The following ANK3 variants were observed in gnomAD, a reference collection of about 807,000 sequenced individuals.
ANK3 encodes ankyrin 3.
In ANK3, 57 loss-of-function variants were observed where a neutral mutation model predicts 370.9. The observed-to-expected ratio is 0.15, with a 90% CI of 0.12 to 0.19. The LOEUF (loss-of-function observed/expected upper bound fraction) is 0.19. Among genes scored for constraint, ANK3 ranks in the 10% least tolerant of loss-of-function variants. The pLI, the probability that ANK3 is intolerant of heterozygous loss-of-function variation, is 1.00. For synonymous variants in ANK3, 1,929 were observed against 1,946.3 expected (o/e 0.99, Z 0.23); for missense variants, 4,439 against 5,302.1 (o/e 0.84, Z 5.06).
At chr10:60,316,688 G>C (rs1346445878) in intron 1 of ANK3, among the ~76,000 whole-genome samples, 1 of 152,064 alleles carries the variant, frequency 6.6e-6, no homozygotes, top group Non-Finnish European at 1.5e-5. Flanking sequence ...ACCCTGTCTC[G>C]CATATGCCTA....
chr10:60,512,291 T>C (rs1395579341), intron 2 of ANK3, among the ~76,000 whole-genome samples: 1 of 152,104 alleles, frequency 6.6e-6, no homozygotes, highest in Non-Finnish European at 1.5e-5. Context: ...AACACTCTCA[T>C]GTCTTCAGCT....
intron 7 of ANK3, among the ~76,000 whole-genome samples, chr10:60,247,458 G>A (rs1428477806): frequency 6.6e-6 from 1 of 152,112 alleles, no homozygotes; most frequent in Non-Finnish European, 1.5e-5. Flanking sequence ...TCTGCAATCA[G>A]TCTCCAAACT....
intron 16 of ANK3, among the ~76,000 whole-genome samples, chr10:60,191,317 A>C (rs2096474970): frequency 6.6e-6 from 1 of 152,160 alleles, no homozygotes; most frequent in South Asian, 2.1e-4. Context: ...GAATGGGAGA[A>C]AATATTCACA....
chr10:60,352,470 G>A (rs1023997134), intron 1 of ANK3, among the ~76,000 whole-genome samples: 4 of 152,170 alleles, frequency 2.6e-5, no homozygotes, highest in African/African-American at 7.2e-5. Flanking sequence ...TTAGACAGAT[G>A]TATAATCTAA....
intron 28 of ANK3, among the ~76,000 whole-genome samples, chr10:60,100,844 C>T (rs183908827): frequency 7.9e-5 from 12 of 152,298 alleles, no homozygotes; most frequent in Admixed American, 3.3e-4. Context: ...AAAGCATACA[C>T]ACTGTCCAGA....
chr10:60,146,363 G>A (rs1281000534), intron 23 of ANK3, among the ~76,000 whole-genome samples: 2 of 152,214 alleles, frequency 1.3e-5, no homozygotes, highest in African/African-American at 2.4e-5. Flanking sequence ...AAAACTGCAT[G>A]TCACAGGGGT....
upstream of ANK3, chr10:60,733,519 G>C: frequency 2.4e-6 from 1 of 420,204 alleles, no homozygotes; most frequent in Non-Finnish European, 4.0e-6. Context: ...GTGCCCGCGC[G>C]GGCCGGTGCG....
At chr10:60,411,446 A>C (rs1345216558) in intron 2 of ANK3, among the ~76,000 whole-genome samples, 5 of 152,178 alleles carry the variant, frequency 3.3e-5, no homozygotes, top group Admixed American at 2.0e-4. Context: ...AGAAAATAAC[A>C]ACAGCAACTA....
chr10:60,047,820 C>G (rs927834719), intron 42 of ANK3, among the ~76,000 whole-genome samples: 1 of 152,158 alleles, frequency 6.6e-6, no homozygotes, highest in Non-Finnish European at 1.5e-5. Flanking sequence ...ATAAGGTAAA[C>G]TCACGACTGG....
In ANK3 at chr10:60,069,982, C is replaced by A; in HGVS notation, c.10899G>T (p.Gln3633His). 6.2e-7 allele frequency: 1 copy of A among 1,614,134 alleles called. No homozygotes were observed. The highest frequency in any genetic ancestry group is 8.5e-7 in the Non-Finnish European group (1 of 1,180,016). ...TCCCTTCAGAAGTATGCTCACCAATCTGGAAAAATTGGAGCCTCTCTTCAA... is the reference window on the plus strand; with the variant it reads ...TCCCTTCAGAAGTATGCTCACCAATATGGAAAAATTGGAGCCTCTCTTCAA... The part of the protein sequence containing the change: ...DFVEERLQFF[Q>H]IGEHTSEGKS... Residue 3633 changes from glutamine (Q) to histidine (H), a missense_variant, in exon 37 of 44, where the codon CAG (glutamine) becomes CAT (histidine). Gln to His is a conservative substitution (Grantham distance 24). Around this residue, in one of 13 missense-constraint regions of ANK3, gnomAD observed 496 missense variants for 529.3 expected, o/e 0.94. Coordinates refer to ENST00000280772, the MANE Select transcript of ANK3 (RefSeq NM_020987.5).
chr10:60,441,155 T>C (rs1203534706), intron 2 of ANK3, among the ~76,000 whole-genome samples: 1 of 152,154 alleles, frequency 6.6e-6, no homozygotes, highest in Non-Finnish European at 1.5e-5. Context: ...GTAAGATGGA[T>C]TGTGAGAGAC....
rs955886313 is a variant in ANK3, at chr10:60,374,642, AAAAACAAAAC to A, written c.114+14773_114+14782del. Among the ~76,000 whole-genome samples, 10 of 152,312 alleles carry A rather than the reference AAAAACAAAAC, an allele frequency of 6.6e-5. No individual in the cohort carries two copies. In the South Asian group the frequency reaches 2.1e-3, roughly 32 times the overall value. On this transcript the variant is annotated intron_variant, in intron 1 of 43. Coordinates refer to ENST00000280772, the MANE Select transcript of ANK3 (RefSeq NM_020987.5). ...AATGGAGGACCTGGAATATCATGTT[AAAAACAAAAC>A]AAAACAAAACAAAAATCACCAGAAA...
chr10:60,274,239 C>T (rs2098048723), intron 4 of ANK3, among the ~76,000 whole-genome samples: 1 of 152,166 alleles, frequency 6.6e-6, no homozygotes. Flanking sequence ...TCCCAAAGTG[C>T]TAAGATCACA....
chr10:60,283,814 T>C (rs1343206413), intron 1 of ANK3, among the ~76,000 whole-genome samples: 2 of 152,166 alleles, frequency 1.3e-5, no homozygotes, highest in Admixed American at 1.3e-4. Context: ...TAATACTTCA[T>C]ACCTTTGACT....
rs181313600 is a variant in ANK3, at chr10:60,444,686, T to A, written c.97-165047A>T. Among the ~76,000 whole-genome samples the A allele has an allele frequency of 2.5e-3, 378 of 152,248 alleles. 1 individual carries two copies. Among genetic ancestry groups the A allele is most frequent in the African/African-American group, 8.8e-3 (365 of 41,566 alleles). On this transcript the variant is annotated intron_variant, in intron 2 of 43. Transcript: ENST00000373827. ...AATTTTTGTCACTAGAGGGAGTGGT[T>A]GATCTTTTTTTCTTTTTAAGCAAGT...
At chr10:60,716,563 G>A (rs1401044620) in intron 1 of ANK3, among the ~76,000 whole-genome samples, 1 of 152,092 alleles carries the variant, frequency 6.6e-6, no homozygotes. Context: ...ACCGAGGCTG[G>A]AGTGTAGTGG....
chr10:60,568,089 G>A (rs573736302), intron 2 of ANK3, among the ~76,000 whole-genome samples: 3 of 152,310 alleles, frequency 2.0e-5, no homozygotes, highest in East Asian at 3.9e-4. Context: ...AAAATATTTA[G>A]AGTATTACAT....
intron 2 of ANK3, among the ~76,000 whole-genome samples, chr10:60,407,554 A>T (rs2132919467): frequency 6.6e-6 from 1 of 152,354 alleles, no homozygotes; most frequent in Non-Finnish European, 1.5e-5. Context: ...AATGAGTATT[A>T]TGTGCCAAGC....
chr10:60,589,127 T>C (rs1314586817), intron 2 of ANK3, among the ~76,000 whole-genome samples: 1 of 152,190 alleles, frequency 6.6e-6, no homozygotes, highest in East Asian at 1.9e-4. Context: ...ATTGTTAGTG[T>C]GTGTAGCATT....
Sources: gnomAD v4.1 joint callset for allele counts (sites outside exome capture counted in the v4.1 genomes callset) on GRCh38, gnomAD v4.1.1 for gene constraint, gnomAD v4.1.1 regional missense constraint, MANE v1.5 for transcripts, NCBI Gene and HGNC (gene_info 2026-07-23, HGNC 2026-07-21) for gene names.